Variants in SLC9C2 observed in about 807,000 individuals in gnomAD.
SLC9C2 encodes sodium/hydrogen exchanger 11.
In SLC9C2, 75 loss-of-function variants were observed where a neutral mutation model predicts 140.2. The ratio of observed to expected loss-of-function variants is 0.53; its 90% confidence interval spans 0.44 to 0.65. The LOEUF is 0.65. SLC9C2 is among the 30% of genes least tolerant of loss of function. The pLI, the probability that SLC9C2 is intolerant of heterozygous loss-of-function variation, is 0.00. For missense variants in SLC9C2, 1,074 were observed against 1,331.8 expected, an observed-to-expected ratio of 0.81 and a Z score of 3.01; for synonymous variants, 375 against 420.9, an observed-to-expected ratio of 0.89 and a Z score of 1.34.
chr1:173,551,687 G>A (rs1304644874), intron 11 of SLC9C2, among the ~76,000 whole-genome samples: 3 of 152,166 alleles, frequency 2.0e-5, no homozygotes, highest in Non-Finnish European at 4.4e-5. Context: ...ACAACAATCA[G>A]TAAGTGTGTG....
intron 19 of SLC9C2, 29 bp downstream of exon 19, chr1:173,526,632 CTT>C: frequency 6.4e-7 from 1 of 1,553,510 alleles, no homozygotes; most frequent in East Asian, 2.3e-5. Flanking sequence ...TAAGGTATGA[CTT>C]TAAGAACTCA....
At chr1:173,583,024 C>T (rs137925802) in intron 6 of SLC9C2, among the ~76,000 whole-genome samples, 1 of 152,154 alleles carries the variant, frequency 6.6e-6, no homozygotes, top group Non-Finnish European at 1.5e-5. Flanking sequence ...TGTTCTTTCC[C>T]CCTTAATGTC....
At chr1:173,547,591 T>G in intron 13 of SLC9C2, 98 bp downstream of exon 13, 1 of 822,868 alleles carries the variant, frequency 1.2e-6, no homozygotes, top group Middle Eastern at 2.3e-4. Context: ...CAATAGACTA[T>G]GAGAAGGTAA....
At position 173,501,037 on chromosome 1, in the gene SLC9C2, G is replaced by A. The variant is rs1659228570; in HGVS notation, c.*57C>T. ...AGGAAAGTAGTTTGGTCTTTAACCT[G>A]ACTCCACACATCATATTTGTATCAT... On this transcript the variant is annotated 3_prime_UTR_variant, in exon 28 of 28. Transcript: ENST00000367714. The A allele has an allele frequency of 6.9e-7, 1 of 1,452,948 alleles. No homozygotes were observed. 90.0% of individuals were successfully genotyped at this position (1,452,948 alleles called of 1,614,324 possible). A position where few individuals can be genotyped will look rare whatever the true frequency, so the allele number is the denominator to read the frequency against.
chr1:173,577,762 GTTAA>G (rs745842573), intron 7 of SLC9C2, among the ~76,000 whole-genome samples: 27 of 152,150 alleles, frequency 1.8e-4, no homozygotes, highest in Non-Finnish European at 2.9e-4. Context: ...CTATCATGCT[GTTAA>G]TTGTTTTTAT....
chr1:173,525,636 T>C (rs1661141147), intron 19 of SLC9C2, among the ~76,000 whole-genome samples: 4 of 152,212 alleles, frequency 2.6e-5, no homozygotes, highest in Admixed American at 1.3e-4. Context: ...CACAGAGTAA[T>C]TATAAGGATT....
At chr1:173,593,140 G>A (rs1328450122) in intron 4 of SLC9C2, among the ~76,000 whole-genome samples, 3 of 152,178 alleles carry the variant, frequency 2.0e-5, no homozygotes, top group Non-Finnish European at 4.4e-5. Context: ...GAAGTACACA[G>A]ATCAGTGATA....
intron 9 of SLC9C2, among the ~76,000 whole-genome samples, chr1:173,559,359 C>T (rs981028058): frequency 3.9e-5 from 6 of 152,226 alleles, no homozygotes; most frequent in African/African-American, 1.4e-4. Flanking sequence ...GAAAGTGTTG[C>T]AGAGAACATC....
rs1293068777 is a variant in SLC9C2 at position 173,571,002 on chromosome 1, T to A, written c.1046+2180A>T. The stretch of plus-strand genomic sequence containing the variant: ...AATATGAATTTTAAAGTAGGTACTG[T>A]GATCACTCACTTGATTTTTGGTTCT... On this transcript the variant is annotated intron_variant, in intron 9 of 27. Transcript: ENST00000367714. 2.6e-5 allele frequency among the ~76,000 whole-genome samples: 4 copies of A among 152,224 alleles called. 1 individual carries two copies. Among genetic ancestry groups the A allele is most frequent in the African/African-American group, 9.6e-5 (4 of 41,458 alleles).
At chr1:173,551,261 G>T (rs566356803) in intron 11 of SLC9C2, among the ~76,000 whole-genome samples, 97 of 152,148 alleles carry the variant, frequency 6.4e-4, no homozygotes, top group Non-Finnish European at 1.2e-3. Flanking sequence ...TACCAATTTG[G>T]TTTATCAAGA....
At chr1:173,546,260 C>A (rs1483286757) in intron 13 of SLC9C2, among the ~76,000 whole-genome samples, 1 of 152,068 alleles carries the variant, frequency 6.6e-6, no homozygotes, top group African/African-American at 2.4e-5. Context: ...AAGCTGGGAG[C>A]GGTGGCTCAC....
chr1:173,586,457 C>T (rs149111121), intron 5 of SLC9C2, among the ~76,000 whole-genome samples: 150 of 152,286 alleles, frequency 9.8e-4, no homozygotes, highest in Non-Finnish European at 1.7e-3. Flanking sequence ...GAAACCATAG[C>T]ATCTAGCCAT....
chr1:173,521,835 A>T (rs1660842820), intron 21 of SLC9C2, among the ~76,000 whole-genome samples: 1 of 146,424 alleles, frequency 6.8e-6, no homozygotes, highest in East Asian at 2.2e-4. Context: ...GTAGATATTT[A>T]CAATCCAATG....
chr1:173,566,227 T>C (rs1664464728), intron 9 of SLC9C2, among the ~76,000 whole-genome samples: 1 of 152,100 alleles, frequency 6.6e-6, no homozygotes, highest in Non-Finnish European at 1.5e-5. Context: ...TCCTCCTCTA[T>C]TTTTCAGAAT....
At chr1:173,518,906 G>C (rs1474871270) in intron 22 of SLC9C2, among the ~76,000 whole-genome samples, 1 of 151,914 alleles carries the variant, frequency 6.6e-6, no homozygotes, top group African/African-American at 2.4e-5. Flanking sequence ...TCTAAAGGAG[G>C]CCCCCCCAAG....
intron 9 of SLC9C2, among the ~76,000 whole-genome samples, chr1:173,567,107 T>C (rs1189905132): frequency 6.6e-6 from 1 of 152,136 alleles, no homozygotes; most frequent in African/African-American, 2.4e-5. Context: ...TCCTTCAGAA[T>C]GATCCATGTG....
intron 4 of SLC9C2, among the ~76,000 whole-genome samples, chr1:173,591,638 T>C (rs897019036): frequency 6.6e-6 from 1 of 152,166 alleles, no homozygotes; most frequent in African/African-American, 2.4e-5. Context: ...GATGTTGAGC[T>C]TTTTTTCATA....
rs869176287 is a variant in SLC9C2 at position 173,521,908 on chromosome 1, A to AAAAG, written c.2641-510_2641-509insCTTT. Among the ~76,000 whole-genome samples, 6 of 139,328 alleles carry AAAAG rather than the reference A, an allele frequency of 4.3e-5. No individual in the cohort carries two copies. In the East Asian group the frequency reaches 1.1e-3, roughly 25 times the overall value. 91.4% of individuals were successfully genotyped at this position (139,328 alleles called of 152,430 possible). A position where few individuals can be genotyped will look rare whatever the true frequency, so the allele number is the denominator to read the frequency against. The stretch of plus-strand genomic sequence containing the variant: ...TGCAAAAAAAAAAAAAAAAAAAAAA[A>AAAAG]TGCAGAAAAGGCCGGGCGCGGTGGC... On this transcript the variant is annotated intron_variant, in intron 21 of 27. Transcript: ENST00000367714.
intron 21 of SLC9C2, 126 bp downstream of exon 21, chr1:173,523,843 T>G (rs1661002638): frequency 7.8e-7 from 1 of 1,281,768 alleles, no homozygotes; most frequent in Non-Finnish European, 1.1e-6. Flanking sequence ...TTCCTGGGCC[T>G]CCATTTTGGC....
Sources: allele counts gnomAD v4.1 joint callset (sites outside exome capture counted in the v4.1 genomes callset), GRCh38; gene constraint gnomAD v4.1.1; transcripts MANE v1.5; gene names NCBI Gene and HGNC (gene_info 2026-07-23, HGNC 2026-07-21).